The following CNTN5 variants were observed in gnomAD, a reference collection of about 807,000 sequenced individuals.
CNTN5 encodes the protein contactin-5.
CNTN5 carries 77 observed loss-of-function variants against 129.1 expected under a neutral mutation model. The observed-to-expected ratio is 0.60, with a 90% confidence interval of 0.50 to 0.72. The LOEUF (loss-of-function observed/expected upper bound fraction) is 0.72. Ranked by LOEUF, CNTN5 falls within the 30% of genes least tolerant of loss-of-function variation. The probability of loss-of-function intolerance (pLI) is 0.00; values close to 1 mark genes in which losing one functional copy is unlikely to be tolerated. For missense variants in CNTN5, 1,478 were observed against 1,328.8 expected (o/e 1.11, Z -1.75); for synonymous variants, 509 against 465.6 (o/e 1.09, Z -1.20).
At chr11:99,638,269 G>T (rs1483165468) in intron 3 of CNTN5, among the ~76,000 whole-genome samples, 1 of 152,046 alleles carries the variant, frequency 6.6e-6, no homozygotes, top group Non-Finnish European at 1.5e-5. Flanking sequence ...GGAAAGACCA[G>T]CCCCCATGAT....
At chr11:99,293,456 T>G (rs1333662879) in intron 1 of CNTN5, among the ~76,000 whole-genome samples, 2 of 152,122 alleles carry the variant, frequency 1.3e-5, no homozygotes, top group Non-Finnish European at 2.9e-5. Flanking sequence ...TTGGAAGTAT[T>G]CCTCTTCAAT....
intron 13 of CNTN5, among the ~76,000 whole-genome samples, chr11:100,148,460 A>ATATCTC (rs1555021745): frequency 6.6e-6 from 1 of 152,178 alleles, no homozygotes; most frequent in East Asian, 1.9e-4. Flanking sequence ...CTTTAACAAT[A>ATATCTC]TATCTCTTTC....
rs567467603 is a variant in CNTN5 at position 100,038,196 on chromosome 11, T to A, written c.981-23016T>A. 3.1e-3 allele frequency among the ~76,000 whole-genome samples: 470 copies of A among 152,284 alleles called. 12 individuals carry two copies. The East Asian group carries it at 0.044, about 14-fold the overall frequency. On this transcript the variant is annotated intron_variant, in intron 9 of 24. Coordinates refer to ENST00000524871, the MANE Select transcript of CNTN5 (RefSeq NM_014361.4). ...TTGTTCTCGTTGGTTTCAAAGAACA[T>A]CTTTATTTCTGCCTTCATTTCGTTA...
chr11:100,209,884 G>A (rs1246519469), intron 15 of CNTN5, among the ~76,000 whole-genome samples: 2 of 152,124 alleles, frequency 1.3e-5, no homozygotes. Context: ...ATGAATAAGG[G>A]TATTGTTATT....
chr11:99,209,710 G>C lies in CNTN5; in HGVS notation c.-209-115636G>C, dbSNP rs1435228655. ...ATTAATATCATGAATAGACAGTCAT[G>C]AATGAATAGTAATGAATAGACAGTA... On this transcript the variant is annotated intron_variant, in intron 1 of 24. Transcript: ENST00000524871. Among the ~76,000 whole-genome samples, 3 of 152,202 alleles carry C rather than the reference G, an allele frequency of 2.0e-5. No homozygotes were observed. In the East Asian group the frequency reaches 5.8e-4, roughly 29 times the overall value.
At chr11:99,465,816 G>A (rs1346191991) in intron 2 of CNTN5, among the ~76,000 whole-genome samples, 1 of 151,636 alleles carries the variant, frequency 6.6e-6, no homozygotes, top group African/African-American at 2.4e-5. Context: ...GGGGGAAGCA[G>A]GCATGTCTTA....
intron 18 of CNTN5, among the ~76,000 whole-genome samples, chr11:100,274,236 G>T (rs916268273): frequency 6.6e-6 from 1 of 152,134 alleles, no homozygotes; most frequent in East Asian, 1.9e-4. Flanking sequence ...ATGGATTAAA[G>T]ACTTAAATGT....
chr11:99,569,426 G>A (rs1016271021), intron 3 of CNTN5, among the ~76,000 whole-genome samples: 23 of 152,218 alleles, frequency 1.5e-4, no homozygotes, highest in African/African-American at 2.9e-4. Flanking sequence ...CGATTCTCCC[G>A]CGTCAGCCTC....
At chr11:99,260,020 A>G (rs532289891) in intron 1 of CNTN5, among the ~76,000 whole-genome samples, 98 of 151,594 alleles carry the variant, frequency 6.5e-4, no homozygotes, top group African/African-American at 2.3e-3. Flanking sequence ...ATTAATCTTC[A>G]TCTGTTACCT....
intron 3 of CNTN5, among the ~76,000 whole-genome samples, chr11:99,706,721 T>C (rs536687268): frequency 6.6e-6 from 1 of 151,558 alleles, no homozygotes; most frequent in Admixed American, 6.6e-5. Context: ...CTATCTATCT[T>C]TTAATTTTTT....
intron 2 of CNTN5, among the ~76,000 whole-genome samples, chr11:99,375,439 C>A: frequency 6.7e-6 from 1 of 148,648 alleles, no homozygotes; most frequent in Admixed American, 6.8e-5. Flanking sequence ...TAGATAATAA[C>A]AAGTTAGAGA....
At chr11:99,232,250 A>G (rs183623573) in intron 1 of CNTN5, among the ~76,000 whole-genome samples, 1 of 152,194 alleles carries the variant, frequency 6.6e-6, no homozygotes, top group Admixed American at 6.5e-5. Context: ...CTGTACAGCC[A>G]TTTTCATGAT....
intron 1 of CNTN5, among the ~76,000 whole-genome samples, chr11:99,136,244 C>T (rs1859212146): frequency 1.3e-5 from 2 of 152,124 alleles, no homozygotes; most frequent in African/African-American, 4.8e-5. Flanking sequence ...CGAAAACCCT[C>T]CTCACCCTCA....
intron 1 of CNTN5, among the ~76,000 whole-genome samples, chr11:99,139,415 T>C (rs1239173814): frequency 2.0e-5 from 3 of 152,164 alleles, no homozygotes; most frequent in Non-Finnish European, 4.4e-5. Context: ...ATTTGATAAA[T>C]TTAGTACAGA....
At chr11:100,092,228 A>G (rs537355386) in intron 13 of CNTN5, among the ~76,000 whole-genome samples, 2 of 152,236 alleles carry the variant, frequency 1.3e-5, no homozygotes, top group African/African-American at 4.8e-5. Context: ...CTACTAGTTT[A>G]AATTCTGATT....
At chr11:99,602,235 T>C (rs1471321448) in intron 3 of CNTN5, among the ~76,000 whole-genome samples, 1 of 152,080 alleles carries the variant, frequency 6.6e-6, no homozygotes, top group African/African-American at 2.4e-5. Flanking sequence ...GGGGATATAA[T>C]TTTGTATATT....
chr11:99,746,510 C>T (rs537435481), intron 3 of CNTN5, among the ~76,000 whole-genome samples: 1 of 152,296 alleles, frequency 6.6e-6, no homozygotes, highest in Admixed American at 6.5e-5. Flanking sequence ...AGGAGGTGAG[C>T]AGCAGACAAG....
chr11:99,458,471 A>T (rs183771378), intron 2 of CNTN5, among the ~76,000 whole-genome samples: 1 of 152,148 alleles, frequency 6.6e-6, no homozygotes. Flanking sequence ...TATAAAATAT[A>T]AAAACAATAT....
intron 1 of CNTN5, among the ~76,000 whole-genome samples, chr11:99,247,615 C>T (rs1861880125): frequency 6.6e-6 from 1 of 151,934 alleles, no homozygotes; most frequent in Admixed American, 6.6e-5. Flanking sequence ...TCCCCCTTTC[C>T]CCCATCCCAC....
Sources: allele counts gnomAD v4.1 joint callset (sites outside exome capture counted in the v4.1 genomes callset), GRCh38; gene constraint gnomAD v4.1.1; transcripts MANE v1.5; gene names NCBI Gene and HGNC (gene_info 2026-07-23, HGNC 2026-07-21).